The following LRBA variants were observed in gnomAD, a reference collection of about 807,000 sequenced individuals.
LRBA encodes the protein LPS responsive beige-like anchor protein, also known as lipopolysaccharide-responsive and beige-like anchor protein.
LRBA carries 176 observed loss-of-function variants against 330.0 expected under a neutral mutation model. The observed-to-expected ratio is 0.53, with a 90% CI of 0.47 to 0.60. The LOEUF (loss-of-function observed/expected upper bound fraction) is 0.60. LRBA is among the 20% of genes least tolerant of loss of function. LRBA has a pLI of 0.00. For missense variants in LRBA, 3,259 were observed against 3,444.8 expected, an observed-to-expected ratio of 0.95 and a Z score of 1.35; for synonymous variants, 1,230 against 1,193.0, an observed-to-expected ratio of 1.03 and a Z score of -0.64.
chr4:150,507,174 T>C (rs1021164363), intron 40 of LRBA, among the ~76,000 whole-genome samples: 46 of 151,660 alleles, frequency 3.0e-4, no homozygotes, highest in African/African-American at 1.1e-3. Context: ...ATAGATTCAA[T>C]GCCATCCCCA....
chr4:150,967,122 G>A (rs1269675576), intron 2 of LRBA, among the ~76,000 whole-genome samples: 1 of 151,920 alleles, frequency 6.6e-6, no homozygotes, highest in Non-Finnish European at 1.5e-5. Context: ...AACACATTAA[G>A]GACATAAAAA....
chr4:150,565,913 A>G (rs970665229), intron 40 of LRBA, among the ~76,000 whole-genome samples: 2 of 152,252 alleles, frequency 1.3e-5, no homozygotes, highest in Admixed American at 6.6e-5. Flanking sequence ...CTTCATTAAT[A>G]TAAGTTTAAC....
chr4:150,273,996 C>G (rs888369485), intron 56 of LRBA, among the ~76,000 whole-genome samples: 1 of 152,202 alleles, frequency 6.6e-6, no homozygotes, highest in African/African-American at 2.4e-5. Context: ...CCCAAATCAT[C>G]AGAATATTCA....
chr4:150,823,267 C>T (rs906725496), intron 30 of LRBA, among the ~76,000 whole-genome samples: 10 of 152,002 alleles, frequency 6.6e-5, no homozygotes, highest in Admixed American at 3.9e-4. Flanking sequence ...GTTATCATTT[C>T]GTTTAAAATG....
At chr4:150,490,869 A>G in intron 41 of LRBA, 49 bp downstream of exon 41, 1 of 1,067,748 alleles carries the variant, frequency 9.4e-7, no homozygotes, top group Non-Finnish European at 1.4e-6. Flanking sequence ...ATGAAATCTT[A>G]AAGAGATGGA....
At chr4:150,489,674 TATTA>T (rs1758641874) in intron 41 of LRBA, among the ~76,000 whole-genome samples, 1 of 124,922 alleles carries the variant, frequency 8.0e-6, no homozygotes. Flanking sequence ...TAAGAATATA[TATTA>T]TATATAAGAA....
At position 150,502,301 on chromosome 4, in the gene LRBA, C is replaced by T. The variant is rs1005396841; in HGVS notation, c.6331-11266G>A. On this transcript the variant is annotated intron_variant, in intron 40 of 56. Coordinates refer to ENST00000651943, the MANE Select transcript of LRBA (RefSeq NM_001364905.1). Reference sequence around the variant, plus strand: ...AAAGTTAGCTCTAGACTTAATGCTGCTCTAGTTCTCCCTAAAAATCTTAAA... The same window carrying T: ...AAAGTTAGCTCTAGACTTAATGCTGTTCTAGTTCTCCCTAAAAATCTTAAA... Among the ~76,000 whole-genome samples, 9 of 152,140 alleles carry T rather than the reference C, an allele frequency of 5.9e-5. 1 individual carries two copies. Among genetic ancestry groups the T allele is most frequent in the Non-Finnish European group, 1.2e-4 (8 of 68,026 alleles).
At chr4:150,960,188 T>C (rs1214141973) in intron 2 of LRBA, among the ~76,000 whole-genome samples, 1 of 149,226 alleles carries the variant, frequency 6.7e-6, no homozygotes, top group Non-Finnish European at 1.5e-5. Flanking sequence ...AGTGATTTAA[T>C]GGATCTAGAT....
chr4:150,583,823 C>T lies in LRBA; in HGVS notation c.6330+4225G>A. 1 of 1,614,192 alleles carries T rather than the reference C, an allele frequency of 6.2e-7. No homozygotes were observed. Among genetic ancestry groups the T allele is most frequent in the Non-Finnish European group, 8.5e-7 (1 of 1,180,044 alleles). ...CTGCGGGACCGCCACCTGGAGCTAC[C>T]CGGCCAGCCGCTCAACAACTACCAC... On this transcript the variant is annotated intron_variant, in intron 40 of 56. Transcript: ENST00000651943. This position sits in a 1 kb window ranked among gnomAD's most constrained non-coding sequence, Gnocchi z 9.8.
At chr4:150,999,749 G>A (rs1743119825) in intron 2 of LRBA, among the ~76,000 whole-genome samples, 1 of 151,668 alleles carries the variant, frequency 6.6e-6, no homozygotes, top group South Asian at 2.1e-4. Flanking sequence ...TATACCCCCT[G>A]AGGCTCCAGG....
rs1341003570 is a variant in LRBA, at chr4:150,435,716, A to G, written c.6922-8T>C. 1.3e-6 allele frequency: 2 copies of G among 1,590,808 alleles called. No homozygotes were observed. Among genetic ancestry groups the G allele is most frequent in the African/African-American group, 2.7e-5 (2 of 73,438 alleles). The stretch of plus-strand genomic sequence containing the variant: ...ATAAGTTGTAAAGGGTTCCTAAAAA[A>G]TAGCAATTAAAAAAATCCATATGTT... On this transcript the variant is annotated splice_region_variant and splice_polypyrimidine_tract_variant and intron_variant, in intron 45 of 56. Transcript: ENST00000651943.
At chr4:150,992,221 C>T (rs897643270) in intron 2 of LRBA, among the ~76,000 whole-genome samples, 9 of 151,442 alleles carry the variant, frequency 5.9e-5, no homozygotes, top group Non-Finnish European at 1.0e-4. Flanking sequence ...GAGGCTGAGG[C>T]TAGAAAATCG....
intron 48 of LRBA, among the ~76,000 whole-genome samples, chr4:150,349,740 T>C (rs1271337264): frequency 1.3e-5 from 2 of 152,196 alleles, no homozygotes; most frequent in Non-Finnish European, 2.9e-5. Context: ...AAATTATAAA[T>C]AAGATTATTT....
intron 47 of LRBA, among the ~76,000 whole-genome samples, chr4:150,413,529 AT>A (rs1747311747): frequency 6.6e-6 from 1 of 152,182 alleles, no homozygotes; most frequent in Non-Finnish European, 1.5e-5. Flanking sequence ...GAAGACAGGC[AT>A]AAAAAGACTA....
chr4:150,436,902 T>G (rs1751186087), intron 44 of LRBA, 38 bp from the exon 45 acceptor site: 1 of 1,592,042 alleles, frequency 6.3e-7, no homozygotes, highest in African/African-American at 1.3e-5. Flanking sequence ...AATACATCAA[T>G]GTAATCATCC....
chr4:150,536,472 A>G (rs1298169510), intron 40 of LRBA, among the ~76,000 whole-genome samples: 1 of 152,112 alleles, frequency 6.6e-6, no homozygotes, highest in African/African-American at 2.4e-5. Flanking sequence ...ATTGCGGTCG[A>G]TTTTGGGGCA....
chr4:150,379,873 G>A (rs753516753), intron 47 of LRBA, among the ~76,000 whole-genome samples: 78 of 152,000 alleles, frequency 5.1e-4, no homozygotes, highest in Non-Finnish European at 8.2e-4. Context: ...CAACAACAAA[G>A]AATTAATGGC....
At chr4:150,522,168 T>A (rs1762984008) in intron 40 of LRBA, among the ~76,000 whole-genome samples, 1 of 152,122 alleles carries the variant, frequency 6.6e-6, no homozygotes, top group Admixed American at 6.5e-5. Context: ...GATGGTGTCA[T>A]CTATAAGAAA....
At chr4:150,597,468 T>C (rs1773633209) in intron 38 of LRBA, among the ~76,000 whole-genome samples, 1 of 152,042 alleles carries the variant, frequency 6.6e-6, no homozygotes, top group Admixed American at 6.6e-5. Flanking sequence ...ACAGCCTATC[T>C]ATGTGCAATT....
Sources: gnomAD v4.1 joint callset for allele counts (sites outside exome capture counted in the v4.1 genomes callset) on GRCh38, gnomAD v4.1.1 for gene constraint, Gnocchi (gnomAD v3.1) non-coding constraint, MANE v1.5 for transcripts, NCBI Gene and HGNC (gene_info 2026-07-23, HGNC 2026-07-21) for gene names.